Variants in SRGAP3 observed in about 807,000 individuals in gnomAD.
SRGAP3 encodes SLIT-ROBO Rho GTPase-activating protein 3.
A neutral mutation model predicts 121.1 loss-of-function variants in SRGAP3; 39 were observed. The observed-to-expected ratio is 0.32, with a 90% CI of 0.25 to 0.42. SRGAP3 has a LOEUF of 0.42. Ranked by LOEUF, SRGAP3 falls within the 10% of genes least tolerant of loss-of-function variation. SRGAP3 has a pLI of 1.00. For missense variants in SRGAP3, 1,213 were observed against 1,470.6 expected, an observed-to-expected ratio of 0.82 and a Z score of 2.86; for synonymous variants, 601 against 570.0, an observed-to-expected ratio of 1.05 and a Z score of -0.77.
chr3:9,267,645 C>A (rs1574958272), intron 3 of SRGAP3, among the ~76,000 whole-genome samples: 1 of 152,156 alleles, frequency 6.6e-6, no homozygotes, highest in African/African-American at 2.4e-5. Context: ...CCAGGTCACA[C>A]CTCTGGGAAC....
chr3:9,362,823 G>T (rs1025969034), intron 1 of SRGAP3: 8 of 152,108 alleles, frequency 5.3e-5, no homozygotes, highest in Non-Finnish European at 8.8e-5. Flanking sequence ...ATGAGATGAC[G>T]CATGTGAAGC....
intron 1 of SRGAP3, among the ~76,000 whole-genome samples, chr3:9,156,450 G>T (rs937778452): frequency 6.6e-6 from 1 of 152,194 alleles, no homozygotes; most frequent in Non-Finnish European, 1.5e-5. Flanking sequence ...GGACATTGCA[G>T]GTCTTGACAA....
intron 14 of SRGAP3, among the ~76,000 whole-genome samples, chr3:9,020,283 T>C (rs75047567): frequency 0.028 from 4,266 of 152,290 alleles, 92 homozygotes; most frequent in Middle Eastern, 0.054. Context: ...CCTTCCTTCC[T>C]TCCTTTCATC....
intron 4 of SRGAP3, among the ~76,000 whole-genome samples, chr3:9,073,420 C>T (rs1301716427): frequency 1.3e-5 from 2 of 152,242 alleles, no homozygotes; most frequent in Non-Finnish European, 2.9e-5. Flanking sequence ...GCCGGGATTA[C>T]AGGCGTGAGC....
chr3:9,092,841 C>T (rs1947812292), intron 3 of SRGAP3, among the ~76,000 whole-genome samples: 2 of 152,130 alleles, frequency 1.3e-5, no homozygotes, highest in South Asian at 2.1e-4. Flanking sequence ...GCTTCCAAGT[C>T]GAGGTAGCTG....
intron 4 of SRGAP3, among the ~76,000 whole-genome samples, chr3:9,066,898 A>G (rs1301872402): frequency 3.3e-5 from 5 of 152,182 alleles, no homozygotes; most frequent in Admixed American, 1.3e-4. Context: ...ATTGTAGATC[A>G]TGGAAGGTAA....
chr3:9,153,355 T>G (rs186030093), intron 1 of SRGAP3, among the ~76,000 whole-genome samples: 101 of 152,302 alleles, frequency 6.6e-4, no homozygotes, highest in African/African-American at 2.3e-3. Context: ...ACAGCATCCT[T>G]GAGAGGCAAA....
At chr3:9,030,288 C>T (rs757030582) in intron 12 of SRGAP3, among the ~76,000 whole-genome samples, 13 of 152,206 alleles carry the variant, frequency 8.5e-5, no homozygotes, top group Admixed American at 2.0e-4. Context: ...ATTCCAACAG[C>T]GCTGCCACTG....
At chr3:9,021,798 A>G (rs996996456) in intron 14 of SRGAP3, among the ~76,000 whole-genome samples, 1 of 152,228 alleles carries the variant, frequency 6.6e-6, no homozygotes, top group African/African-American at 2.4e-5. Context: ...TTTTAAAAAT[A>G]AAAGGAAAAG....
intron 3 of SRGAP3, among the ~76,000 whole-genome samples, chr3:9,322,242 G>A (rs1283972276): frequency 2.0e-5 from 3 of 151,804 alleles, no homozygotes; most frequent in East Asian, 1.9e-4. Context: ...AAAGGGGAGT[G>A]TGGTGGGAGT....
chr3:9,003,255 G>A (rs9866944), intron 18 of SRGAP3, among the ~76,000 whole-genome samples: 9,525 of 152,146 alleles, frequency 0.063, 981 homozygotes, highest in African/African-American at 0.21. Flanking sequence ...AGAGCTGGGC[G>A]GATAACTTGA....
In SRGAP3 at chr3:9,058,258, C is replaced by T; in HGVS notation, c.1016G>A (p.Gly339Glu). ...PLKFEFQPHM[G>E]DEVCQVSAQQ... is the part of the protein sequence containing the mutation. ...CTCCAGGAGGAAGCCTACCTCATCCCCCATGTGGGGCTGGAACTCGAACTT... is the reference window on the plus strand; with the variant it reads ...CTCCAGGAGGAAGCCTACCTCATCCTCCATGTGGGGCTGGAACTCGAACTT... Residue 339 changes from glycine (G) to glutamate (E), a missense_variant, in exon 7 of 22, where the codon GGG becomes GAG. Around this residue, in one of 2 missense-constraint regions of SRGAP3, gnomAD observed 793 missense variants for 1,032.9 expected, o/e 0.77. Coordinates refer to ENST00000383836, the MANE Select transcript of SRGAP3 (RefSeq NM_014850.4). The T allele has an allele frequency of 6.2e-7, 1 of 1,614,180 alleles. No homozygotes were observed.
At position 9,147,991 on chromosome 3, in the gene SRGAP3, G is replaced by C. The variant is rs574037304; in HGVS notation, c.68-23074C>G. Among the ~76,000 whole-genome samples, 131 of 152,300 alleles carry C rather than the reference G, an allele frequency of 8.6e-4. 4 individuals carry two copies. Among genetic ancestry groups the C allele is most frequent in the Middle Eastern group, 3.4e-3 (1 of 294 alleles). ...ATTAAGCCTCACCTCCCACGCCTGA[G>C]ATTGTCTCCAGAGCCAGGGAGGGGC... is the stretch of plus-strand genomic sequence containing the variant. On this transcript the variant is annotated intron_variant, in intron 1 of 21. Coordinates refer to ENST00000383836, the MANE Select transcript of SRGAP3 (RefSeq NM_014850.4).
intron 12 of SRGAP3, among the ~76,000 whole-genome samples, chr3:9,030,296 C>T (rs1023389054): frequency 9.2e-5 from 14 of 152,364 alleles, no homozygotes; most frequent in African/African-American, 3.4e-4. Context: ...AGCGCTGCCA[C>T]TGCTCAAGTG....
chr3:9,244,539 T>C (rs1953757038), intron 1 of SRGAP3, among the ~76,000 whole-genome samples: 2 of 152,152 alleles, frequency 1.3e-5, no homozygotes, highest in East Asian at 3.9e-4. Context: ...GAACTAACCA[T>C]CATGTCTGGC....
intron 1 of SRGAP3, among the ~76,000 whole-genome samples, chr3:9,183,135 T>A (rs759094150): frequency 2.0e-5 from 3 of 152,172 alleles, no homozygotes; most frequent in Non-Finnish European, 2.9e-5. Context: ...CAACTGGGAA[T>A]CTGAGAGAGG....
intron 1 of SRGAP3, among the ~76,000 whole-genome samples, chr3:9,155,811 G>T (rs1950396796): frequency 6.6e-6 from 1 of 151,940 alleles, no homozygotes; most frequent in Non-Finnish European, 1.5e-5. Context: ...CTTTTTTATA[G>T]ATGCTATTGC....
chr3:9,189,089 AGAG>A (rs1335667252), intron 1 of SRGAP3, among the ~76,000 whole-genome samples: 1 of 152,196 alleles, frequency 6.6e-6, no homozygotes, highest in Non-Finnish European at 1.5e-5. Context: ...TCTGCCATTC[AGAG>A]GAGGACATAT....
At chr3:9,280,604 G>A (rs114595501) in intron 3 of SRGAP3, among the ~76,000 whole-genome samples, 1 of 152,212 alleles carries the variant, frequency 6.6e-6, no homozygotes, top group African/African-American at 2.4e-5. Flanking sequence ...AGGCAGTAAC[G>A]GTGGGTCCTC....
Sources: gnomAD v4.1 joint callset for allele counts (sites outside exome capture counted in the v4.1 genomes callset) on GRCh38, gnomAD v4.1.1 for gene constraint, gnomAD v4.1.1 regional missense constraint, MANE v1.5 for transcripts, NCBI Gene and HGNC (gene_info 2026-07-23, HGNC 2026-07-21) for gene names.